CTNNA3: variants seen among roughly 807,000 people sequenced by gnomAD.
CTNNA3 encodes catenin alpha-3.
Under a neutral mutation model 95.7 loss-of-function variants are expected in CTNNA3, and 76 were observed. That is an observed-to-expected ratio of 0.79 (90% confidence interval 0.66 to 0.96). CTNNA3 has a LOEUF of 0.96. Among genes scored for constraint, CTNNA3 ranks in the 40% least tolerant of loss-of-function variants. The pLI is 0.00. For missense variants in CTNNA3, 1,191 were observed against 1,089.8 expected (o/e 1.09, Z -1.31); for synonymous variants, 431 against 374.4 (o/e 1.15, Z -1.74).
chr10:66,940,445 G>A (rs1329433225), intron 7 of CTNNA3, among the ~76,000 whole-genome samples: 1 of 152,166 alleles, frequency 6.6e-6, no homozygotes, highest in African/African-American at 2.4e-5. Flanking sequence ...CTGCACTCCA[G>A]CCTGAGCAAC....
At chr10:66,127,604 T>C (rs2082887316) in intron 13 of CTNNA3, among the ~76,000 whole-genome samples, 1 of 152,058 alleles carries the variant, frequency 6.6e-6, no homozygotes, top group Non-Finnish European at 1.5e-5. Context: ...AAACGCAATG[T>C]AATATCCTAG....
At chr10:66,081,599 T>C (rs569443628) in intron 14 of CTNNA3, among the ~76,000 whole-genome samples, 40 of 152,288 alleles carry the variant, frequency 2.6e-4, no homozygotes, top group Non-Finnish European at 4.4e-4. Context: ...TAAATATCCA[T>C]GAGTTCATAG....
At chr10:66,774,126 T>G (rs2132817130) in intron 8 of CTNNA3, among the ~76,000 whole-genome samples, 1 of 152,284 alleles carries the variant, frequency 6.6e-6, no homozygotes, top group East Asian at 1.9e-4. Context: ...AAATGTAGAT[T>G]AGCTCTTTAT....
intron 7 of CTNNA3, among the ~76,000 whole-genome samples, chr10:66,915,191 CG>C (rs1846425580): frequency 8.2e-6 from 1 of 121,356 alleles, no homozygotes; most frequent in Non-Finnish European, 1.7e-5. Flanking sequence ...CAAAAACTAA[CG>C]AAAAAAAAAA....
At chr10:67,082,636 G>A (rs1857108992) in intron 7 of CTNNA3, among the ~76,000 whole-genome samples, 1 of 152,134 alleles carries the variant, frequency 6.6e-6, no homozygotes, top group South Asian at 2.1e-4. Context: ...GAGAAAAAAG[G>A]AAACCGTGCA....
intron 11 of CTNNA3, among the ~76,000 whole-genome samples, chr10:66,493,901 G>A (rs1840013558): frequency 7.4e-6 from 1 of 135,914 alleles, no homozygotes; most frequent in Non-Finnish European, 1.5e-5. Flanking sequence ...CACTGCGCCG[G>A]CCTTTTTTTT....
In CTNNA3 at chr10:66,354,832, A is replaced by T. The variant is rs116625774; in HGVS notation, c.1732+24320T>A. On this transcript the variant is annotated intron_variant, in intron 12 of 17. Coordinates refer to ENST00000433211, the MANE Select transcript of CTNNA3 (RefSeq NM_013266.4). The stretch of plus-strand genomic sequence containing the variant: ...ACATCATAGCATCTCACCACCCAGC[A>T]TAGTGCCTGATGCATAATAATATTT... Among the ~76,000 whole-genome samples, 1,015 of 152,188 alleles carry T rather than the reference A, an allele frequency of 6.7e-3. 9 individuals carry two copies. Among genetic ancestry groups the T allele is most frequent in the African/African-American group, 0.022 (919 of 41,564 alleles).
chr10:67,466,120 T>A (rs1227702713), intron 5 of CTNNA3, among the ~76,000 whole-genome samples: 2 of 152,182 alleles, frequency 1.3e-5, no homozygotes, highest in Non-Finnish European at 2.9e-5. Context: ...TCTAAAGACA[T>A]ACTAATATGC....
chr10:67,488,085 C>A (rs1337444952), intron 5 of CTNNA3, among the ~76,000 whole-genome samples: 2 of 152,024 alleles, frequency 1.3e-5, no homozygotes, highest in Non-Finnish European at 2.9e-5. Flanking sequence ...ACATACAGAA[C>A]CTCGTTGAGT....
chr10:66,944,844 G>C (rs1220794539), intron 7 of CTNNA3, among the ~76,000 whole-genome samples: 1 of 152,136 alleles, frequency 6.6e-6, no homozygotes, highest in Non-Finnish European at 1.5e-5. Flanking sequence ...AGAGCTCTTG[G>C]GTGACCAGAT....
intron 13 of CTNNA3, among the ~76,000 whole-genome samples, chr10:66,168,987 C>T (rs954401237): frequency 6.6e-6 from 1 of 152,182 alleles, no homozygotes; most frequent in African/African-American, 2.4e-5. Flanking sequence ...TCCCTCACCT[C>T]CTAACAGTCA....
chr10:66,490,164 A>T (rs1430493379), intron 11 of CTNNA3, among the ~76,000 whole-genome samples: 2 of 152,172 alleles, frequency 1.3e-5, no homozygotes, highest in African/African-American at 4.8e-5. Flanking sequence ...CTTTGGACAC[A>T]GCCATAACCT....
chr10:67,458,687 T>C (rs1278596930), intron 5 of CTNNA3, among the ~76,000 whole-genome samples: 1 of 152,104 alleles, frequency 6.6e-6, no homozygotes, highest in East Asian at 1.9e-4. Context: ...AATACCTACC[T>C]GGCCAACATG....
chr10:66,772,257 C>T (rs1457387725), intron 8 of CTNNA3, among the ~76,000 whole-genome samples: 2 of 151,838 alleles, frequency 1.3e-5, no homozygotes, highest in Non-Finnish European at 2.9e-5. Context: ...AACCCTGTCT[C>T]TACTAAAAAT....
At chr10:67,527,019 G>A (rs185685943) in intron 4 of CTNNA3, among the ~76,000 whole-genome samples, 35 of 152,276 alleles carry the variant, frequency 2.3e-4, no homozygotes, top group African/African-American at 8.2e-4. Flanking sequence ...CACTTTGGGA[G>A]GCCGAGGCTG....
chr10:67,130,015 G>A (rs2132015939), intron 7 of CTNNA3, among the ~76,000 whole-genome samples: 1 of 152,270 alleles, frequency 6.6e-6, no homozygotes, highest in South Asian at 2.1e-4. Context: ...AAAAGAGAAT[G>A]TCTTGCAAAG....
intron 5 of CTNNA3, among the ~76,000 whole-genome samples, chr10:67,433,918 C>G (rs1298023705): frequency 6.6e-6 from 1 of 152,068 alleles, no homozygotes; most frequent in African/African-American, 2.4e-5. Flanking sequence ...CTACTAAGTA[C>G]TAGGCAGTCA....
intron 11 of CTNNA3, among the ~76,000 whole-genome samples, chr10:66,404,947 G>A (rs948903377): frequency 6.6e-6 from 1 of 152,170 alleles, no homozygotes; most frequent in African/African-American, 2.4e-5. Flanking sequence ...GGAGATGTGG[G>A]AGAAGTAAGC....
At chr10:67,604,249 C>G (rs1461678187) in intron 3 of CTNNA3, among the ~76,000 whole-genome samples, 3 of 152,238 alleles carry the variant, frequency 2.0e-5, no homozygotes, top group Middle Eastern at 6.8e-3. Context: ...AACACATGCA[C>G]AGAGGCATAA....
Sources: allele counts gnomAD v4.1 joint callset (sites outside exome capture counted in the v4.1 genomes callset), GRCh38; gene constraint gnomAD v4.1.1; transcripts MANE v1.5; gene names NCBI Gene and HGNC (gene_info 2026-07-23, HGNC 2026-07-21).